Variants in CD7 observed in about 807,000 individuals in gnomAD.
CD7 encodes T-cell antigen CD7.
In CD7, 19 loss-of-function variants were observed where a neutral mutation model predicts 17.6. The observed-to-expected ratio is 1.08, with a 90% CI of 0.75 to 1.58. The LOEUF (loss-of-function observed/expected upper bound fraction) is 1.58, where lower values mean the gene tolerates loss of function less well. CD7 is among the 40% of genes most tolerant of loss of function. The pLI, the probability that CD7 is intolerant of heterozygous loss-of-function variation, is 0.00. For synonymous variants in CD7, 160 were observed against 159.8 expected (o/e 1.00, Z -0.01); for missense variants, 291 against 327.1 (o/e 0.89, Z 0.85).
At chr17:82,315,912 G>A (rs1425986190) in intron 3 of CD7, 7 of 606,630 alleles carry the variant, frequency 1.2e-5, no homozygotes, top group Non-Finnish European at 1.7e-5. Context: ...ACTCCAACCT[G>A]CACGCACAGA....
rs778710030 is a variant in CD7 at position 82,317,500 on chromosome 17, C to T, written c.-5G>A. 4.5e-6 allele frequency: 7 copies of T among 1,562,724 alleles called. No individual in the cohort carries two copies. The East Asian group carries it at 9.5e-5, about 21-fold the overall frequency. The stretch of plus-strand genomic sequence containing the variant: ...GAGCCTCGGAGGCCCGGCCATGTTC[C>T]CCACACCCAGCTCTCCCAGCCGGGC... On this transcript the variant is annotated 5_prime_UTR_variant, in exon 1 of 4. Coordinates refer to ENST00000312648, the MANE Select transcript of CD7 (RefSeq NM_006137.7).
chr17:82,317,360 T>C (rs1427444661), intron 1 of CD7, 54 bp downstream of exon 1: 2 of 1,487,236 alleles, frequency 1.3e-6, no homozygotes, highest in East Asian at 2.5e-5. Flanking sequence ...TCTGAGCTCA[T>C]GGGGCAGGGA....
intron 3 of CD7, 38 bp from the exon 4 acceptor site, chr17:82,315,469 C>A: frequency 6.5e-7 from 1 of 1,527,054 alleles, no homozygotes; most frequent in South Asian, 1.1e-5. Flanking sequence ...CAGTGGCCAG[C>A]GTGGTGTCCT....
chr17:82,317,538 G>A lies in CD7; in HGVS notation c.-43C>T, dbSNP rs777763622. The A allele has an allele frequency of 9.9e-6, 15 of 1,515,554 alleles. No homozygotes were observed. Among genetic ancestry groups the A allele is most frequent in the Non-Finnish European group, 1.1e-5 (12 of 1,123,764 alleles). 93.9% of individuals were successfully genotyped at this position (1,515,554 alleles called of 1,614,324 possible). On this transcript the variant is annotated 5_prime_UTR_variant, in exon 1 of 4. Coordinates refer to ENST00000312648, the MANE Select transcript of CD7 (RefSeq NM_006137.7). ...CTCCCAGCCGGGCGAGTGCAGCTGAGCCTCTCTGGGTCTACAGGACCCCAC... is the reference window on the plus strand; with the variant it reads ...CTCCCAGCCGGGCGAGTGCAGCTGAACCTCTCTGGGTCTACAGGACCCCAC...
chr17:82,316,133 C>T (rs1342311531), intron 3 of CD7, 62 bp downstream of exon 3: 4 of 1,497,662 alleles, frequency 2.7e-6, no homozygotes, highest in African/African-American at 1.4e-5. Context: ...GCGCCCCCCA[C>T]GCTGCTCTCA....
chr17:82,315,940 C>T (rs1289495029), intron 3 of CD7: 2 of 620,952 alleles, frequency 3.2e-6, no homozygotes, highest in Non-Finnish European at 5.7e-6. Flanking sequence ...GATCCCCCCT[C>T]AGACACTCAC....
Position 82,314,990 on chromosome 17 carries a change from A to G in CD7, c.*331T>C. On this transcript the variant is annotated 3_prime_UTR_variant, in exon 4 of 4. Coordinates refer to ENST00000312648, the MANE Select transcript of CD7 (RefSeq NM_006137.7). The surrounding 1 kb of genome is among the most constrained non-coding windows in gnomAD (Gnocchi z 6.0). Reference sequence around the variant, plus strand: ...TGGTGGGTGGGCCGGCACTGACAGGAGAGGGCCGCGTGCCCAGGCCCATCC... The same window carrying G: ...TGGTGGGTGGGCCGGCACTGACAGGGGAGGGCCGCGTGCCCAGGCCCATCC... The G allele has an allele frequency of 3.3e-6, 1 of 303,262 alleles. No individual in the cohort carries two copies. The highest frequency in any genetic ancestry group is 6.6e-6 in the Non-Finnish European group (1 of 152,046). 18.8% of individuals were successfully genotyped at this position (303,262 alleles called of 1,614,324 possible). A position where few individuals can be genotyped will look rare whatever the true frequency, so the allele number is the denominator to read the frequency against.
At position 82,316,589 on chromosome 17, in the gene CD7, C is replaced by T. The variant is rs549244924; in HGVS notation, c.397+78G>A. 342 of 1,490,108 alleles carry T rather than the reference C, an allele frequency of 2.3e-4. No individual in the cohort carries two copies. In the African/African-American group the frequency reaches 4.3e-3, roughly 19 times the overall value. 92.3% of individuals were successfully genotyped at this position (1,490,108 alleles called of 1,614,324 possible). The stretch of plus-strand genomic sequence containing the variant: ...CAGGCACATGTAGGAGGGAGGGTCC[C>T]ACGACAAGGGCTGGGGGAGCAGAGC... On this transcript the variant is annotated intron_variant, in intron 2 of 3. Coordinates refer to ENST00000312648, the MANE Select transcript of CD7 (RefSeq NM_006137.7).
At chr17:82,315,664 C>G in intron 3 of CD7, 1 of 555,500 alleles carries the variant, frequency 1.8e-6, no homozygotes, top group Non-Finnish European at 3.2e-6. Flanking sequence ...ACCCCCCCAC[C>G]AAGCCCAAGC....
chr17:82,315,740 C>T lies in CD7; in HGVS notation c.613-309G>A, dbSNP rs11575049. The T allele has an allele frequency of 1.2e-3, 646 of 550,194 alleles. 5 individuals carry two copies. Among genetic ancestry groups the T allele is most frequent in the African/African-American group, 0.011 (602 of 53,040 alleles). The allele number at this position is 550,194 out of a possible 1,614,324, so 34.1% of individuals were successfully genotyped here. A position where few individuals can be genotyped will look rare whatever the true frequency, so the allele number is the denominator to read the frequency against. The stretch of plus-strand genomic sequence containing the variant: ...ACCGAGGGGAGTGGCCACGCCTAGA[C>T]TCTGTGTCTGTCTGAGGCCCCCTCC... On this transcript the variant is annotated intron_variant, in intron 3 of 3. Coordinates refer to ENST00000312648, the MANE Select transcript of CD7 (RefSeq NM_006137.7).
rs988865073 is a variant in CD7, at chr17:82,315,044, G to T, written c.*277C>A. On this transcript the variant is annotated 3_prime_UTR_variant, in exon 4 of 4. Transcript: ENST00000312648. ...AGAAAAGCCCTCCTTGGCCATGGTCGGGAGATGCAGCCAAAGGACAGTCAG... is the reference window on the plus strand; with the variant it reads ...AGAAAAGCCCTCCTTGGCCATGGTCTGGAGATGCAGCCAAAGGACAGTCAG... 7.4e-6 allele frequency: 3 copies of T among 404,284 alleles called. No homozygotes were observed. The highest frequency in any genetic ancestry group is 1.4e-5 in the Non-Finnish European group (3 of 211,764). 25.0% of individuals were successfully genotyped at this position (404,284 alleles called of 1,614,324 possible).
chr17:82,315,550 C>A (rs2052001864), intron 3 of CD7, 119 bp from the exon 4 acceptor site: 1 of 745,040 alleles, frequency 1.3e-6, no homozygotes, highest in Non-Finnish European at 2.3e-6. Flanking sequence ...CTGGGCTGGC[C>A]CCCAGGTCTC....
At position 82,316,737 on chromosome 17, in the gene CD7, A is replaced by C; in HGVS notation, c.327T>G (p.Thr109=). ...ITMHRLQLSD[T]GTYTCQAITE... ...TGATGGCCTGGCAGGTGTAGGTGCC[A>C]GTGTCCGACAGCTGCAGGCGGTGCA... Residue 109 remains threonine, a synonymous_variant, in exon 2 of 4, where the codon ACT becomes ACG. Transcript: ENST00000312648. The C allele has an allele frequency of 1.9e-6, 3 of 1,613,692 alleles. No homozygotes were observed. The highest frequency in any genetic ancestry group is 2.5e-6 in the Non-Finnish European group (3 of 1,179,974).
Position 82,316,791 on chromosome 17 carries a change from TG to T in CD7, c.272del (p.Ser91Ter). 6.2e-7 allele frequency: 1 copy of T among 1,613,866 alleles called. No homozygotes were observed. Among genetic ancestry groups the T allele is most frequent in the Non-Finnish European group, 8.5e-7 (1 of 1,179,928 alleles). On this transcript the variant is annotated frameshift_variant, in exon 2 of 4. Coordinates refer to ENST00000312648, the MANE Select transcript of CD7 (RefSeq NM_006137.7). LOFTEE classifies it high-confidence loss of function. ...TGATAGTCAGGTTGTCCTGGGACCC[TG>T]AGAAGTCGATGCGGCCCCGGAACCG... ...DRRFRGRIDF[S>X]GSQDNLTITM...
chr17:82,315,574 C>A, intron 3 of CD7, 143 bp from the exon 4 acceptor site: 1 of 653,394 alleles, frequency 1.5e-6, no homozygotes, highest in Non-Finnish European at 2.7e-6. Flanking sequence ...AGCCCCAGGG[C>A]TTCCCAGCAG....
intron 3 of CD7, 149 bp downstream of exon 3, chr17:82,316,046 C>T (rs1198920824): frequency 1.4e-5 from 12 of 877,872 alleles, no homozygotes; most frequent in African/African-American, 8.4e-5. Context: ...CCCTCCCCGC[C>T]GAGGCCACTT....
At chr17:82,315,542 G>C in intron 3 of CD7, 111 bp from the exon 4 acceptor site, 1 of 800,874 alleles carries the variant, frequency 1.2e-6, no homozygotes, top group Admixed American at 2.1e-5. Context: ...GGGCTCCTCT[G>C]GGCTGGCCCC....
In CD7 at chr17:82,316,256, G is replaced by T. The variant is rs377273022; in HGVS notation, c.551C>A (p.Ala184Glu). The change falls in exon 3 of 4, where the codon GCG (alanine) becomes GAG (glutamate). Residue 184 changes from alanine (A) to glutamate (E), a missense_variant. Coordinates refer to ENST00000312648, the MANE Select transcript of CD7 (RefSeq NM_006137.7). ...CAGCCCGAGGAGGAAGGAGATCACC[G>T]CCAGGGCCGCAGGGAGGGCAGAGGC... ...PAASALPAAL[A>E]VISFLLGLGL... 7 of 1,575,126 alleles carry T rather than the reference G, an allele frequency of 4.4e-6. No homozygotes were observed. The African/African-American group carries it at 8.1e-5, about 18-fold the overall frequency.
rs2052013899 is a variant in CD7, at chr17:82,316,288, C to CGGGTCAGGGAGGGCGGAGCCTGTCGGT, written c.518_519insACCGACAGGCTCCGCCCTCCCTGACCC (p.Pro174_Ala175insThrGlySerAlaLeuProAspProPro). On this transcript the variant is annotated inframe_insertion, in exon 3 of 4. Coordinates refer to ENST00000312648, the MANE Select transcript of CD7 (RefSeq NM_006137.7). ...CCGCAGGGAGGGCAGAGGCTGCTGG[C>CGGGTCAGGGAGGGCGGAGCCTGTCGGT]GGGTCAGGGAGGGCAGAGGCTGTCT... The CGGGTCAGGGAGGGCGGAGCCTGTCGGT allele has an allele frequency of 1.4e-6, 2 of 1,460,514 alleles. No homozygotes were observed. The highest frequency in any genetic ancestry group is 1.4e-5 in the African/African-American group (1 of 72,898). 90.5% of individuals were successfully genotyped at this position (1,460,514 alleles called of 1,614,324 possible).
Sources: gnomAD v4.1 joint callset for allele counts on GRCh38, gnomAD v4.1.1 for gene constraint, Gnocchi (gnomAD v3.1) non-coding constraint, MANE v1.5 for transcripts, NCBI Gene and HGNC (gene_info 2026-07-23, HGNC 2026-07-21) for gene names.